The following GRID2 variants were observed in gnomAD, a reference collection of about 807,000 sequenced individuals.
The protein encoded by GRID2 is glutamate receptor ionotropic, delta-2.
In GRID2, 33 loss-of-function variants were observed where a neutral mutation model predicts 114.8. The observed-to-expected ratio is 0.29, with a 90% confidence interval of 0.22 to 0.38. GRID2 has a LOEUF of 0.38. Ranked by LOEUF, GRID2 falls within the 10% of genes least tolerant of loss-of-function variation. GRID2 has a pLI of 1.00. For missense variants in GRID2, 1,184 were observed against 1,257.7 expected (o/e 0.94, Z 0.89); for synonymous variants, 505 against 449.9 (o/e 1.12, Z -1.55).
At chr4:92,960,059 T>C (rs997335269) in intron 2 of GRID2, among the ~76,000 whole-genome samples, 2 of 152,062 alleles carry the variant, frequency 1.3e-5, no homozygotes, top group Non-Finnish European at 2.9e-5. Flanking sequence ...AATTTCTATC[T>C]ATTTTGAAAA....
chr4:93,333,644 G>A (rs1383225967), intron 8 of GRID2, among the ~76,000 whole-genome samples: 2 of 152,264 alleles, frequency 1.3e-5, no homozygotes, highest in African/African-American at 2.4e-5. Flanking sequence ...ATTTCCTCAT[G>A]TGTGGTTGTA....
chr4:92,521,278 A>C (rs1444132409), intron 1 of GRID2, among the ~76,000 whole-genome samples: 1 of 151,928 alleles, frequency 6.6e-6, no homozygotes, highest in East Asian at 1.9e-4. Flanking sequence ...CTTAGAAGTA[A>C]ATAATTCTTG....
chr4:93,316,321 AAAG>A lies in GRID2; in HGVS notation c.1245+77834_1245+77836del, dbSNP rs1273880480. Reference sequence around the variant, plus strand: ...GAAAGAAAGAAAGAAAGAAAGAAAGAAAGAAAGAAAGAAAGAAAGAAGGAAGGA... The same window carrying A: ...GAAAGAAAGAAAGAAAGAAAGAAAGAAAAGAAAGAAAGAAAGAAGGAAGGA... On this transcript the variant is annotated intron_variant, in intron 8 of 15. Transcript: ENST00000282020. 1.5e-3 allele frequency among the ~76,000 whole-genome samples: 77 copies of A among 51,010 alleles called. 1 individual carries two copies. The highest frequency in any genetic ancestry group is 6.7e-3 in the African/African-American group (74 of 11,102). 33.5% of individuals were successfully genotyped at this position (51,010 alleles called of 152,430 possible).
At chr4:93,270,599 G>C (rs1246709360) in intron 8 of GRID2, among the ~76,000 whole-genome samples, 1 of 151,846 alleles carries the variant, frequency 6.6e-6, no homozygotes, top group African/African-American at 2.4e-5. Context: ...AACATAATAT[G>C]TATTTTCTTC....
intron 1 of GRID2, among the ~76,000 whole-genome samples, chr4:92,555,158 T>C (rs1209443359): frequency 6.6e-6 from 1 of 151,566 alleles, no homozygotes; most frequent in Non-Finnish European, 1.5e-5. Context: ...AGTCGAGGAG[T>C]GTGAATATAT....
intron 1 of GRID2, among the ~76,000 whole-genome samples, chr4:92,434,004 A>G (rs1018894926): frequency 2.6e-5 from 4 of 152,230 alleles, no homozygotes; most frequent in African/African-American, 9.6e-5. Flanking sequence ...TTTAACTTTC[A>G]GTTTTCTATA....
chr4:93,177,846 T>A (rs1012868688), intron 4 of GRID2, among the ~76,000 whole-genome samples: 1 of 152,154 alleles, frequency 6.6e-6, no homozygotes, highest in African/African-American at 2.4e-5. Flanking sequence ...AAACATTTTA[T>A]AAGTACAGCT....
At chr4:93,330,878 A>C (rs1398924680) in intron 8 of GRID2, among the ~76,000 whole-genome samples, 1 of 152,072 alleles carries the variant, frequency 6.6e-6, no homozygotes, top group East Asian at 1.9e-4. Flanking sequence ...CAGACAAGGT[A>C]GTGATAGATT....
chr4:92,907,952 G>C (rs531925543), intron 2 of GRID2, among the ~76,000 whole-genome samples: 1 of 152,056 alleles, frequency 6.6e-6, no homozygotes, highest in Non-Finnish European at 1.5e-5. Flanking sequence ...GAATCCGGGA[G>C]GCAGAGGTTG....
At chr4:93,761,890 T>C (rs115509427) in intron 14 of GRID2, among the ~76,000 whole-genome samples, 2,510 of 152,314 alleles carry the variant, frequency 0.016, 31 homozygotes, top group Non-Finnish European at 0.027. Flanking sequence ...GTTGATAGAA[T>C]TGATTTTTAC....
At chr4:92,885,052 C>A in intron 2 of GRID2, 1 of 300,126 alleles carries the variant, frequency 3.3e-6, no homozygotes, top group Non-Finnish European at 6.6e-6. Context: ...TTCTTCTTTC[C>A]TCTTAAACAA....
At chr4:93,095,639 TA>T (rs1351620480) in intron 3 of GRID2, among the ~76,000 whole-genome samples, 1 of 151,894 alleles carries the variant, frequency 6.6e-6, no homozygotes, top group Non-Finnish European at 1.5e-5. Flanking sequence ...CTAATAGCAA[TA>T]AAAAATTAAA....
intron 1 of GRID2, among the ~76,000 whole-genome samples, chr4:92,589,084 C>T (rs1482070023): frequency 1.3e-5 from 2 of 152,062 alleles, no homozygotes; most frequent in African/African-American, 4.8e-5. Context: ...CTAGCCTAGG[C>T]GACAGAACAA....
chr4:93,591,703 G>C (rs1233229357), intron 13 of GRID2, among the ~76,000 whole-genome samples: 1 of 152,014 alleles, frequency 6.6e-6, no homozygotes, highest in African/African-American at 2.4e-5. Flanking sequence ...TTTTTGGTTG[G>C]TAAGGTATTG....
chr4:93,234,165 A>G (rs1746485760), intron 7 of GRID2, among the ~76,000 whole-genome samples: 1 of 152,088 alleles, frequency 6.6e-6, no homozygotes, highest in Non-Finnish European at 1.5e-5. Flanking sequence ...ACTTTTTGTC[A>G]TGGGGATTTA....
At chr4:93,351,845 A>G (rs1216652282) in intron 8 of GRID2, among the ~76,000 whole-genome samples, 2 of 152,048 alleles carry the variant, frequency 1.3e-5, no homozygotes, top group Admixed American at 1.3e-4. Context: ...TCAGAGAAAT[A>G]GATCTTAATC....
At chr4:92,570,745 C>G (rs373506220) in intron 1 of GRID2, among the ~76,000 whole-genome samples, 1 of 151,994 alleles carries the variant, frequency 6.6e-6, no homozygotes, top group Non-Finnish European at 1.5e-5. Context: ...ATTTGGTGCT[C>G]AGCTTGTCTG....
chr4:93,450,144 T>C (rs932969084), intron 10 of GRID2, among the ~76,000 whole-genome samples: 1 of 151,974 alleles, frequency 6.6e-6, no homozygotes, highest in African/African-American at 2.4e-5. Context: ...TTATTTAGAC[T>C]GTGTTCACAG....
chr4:93,528,227 A>T (rs1000503992), intron 13 of GRID2, among the ~76,000 whole-genome samples: 7 of 152,044 alleles, frequency 4.6e-5, no homozygotes. Context: ...CATTATCAAC[A>T]GACATGGGTT....
Sources: allele counts gnomAD v4.1 joint callset (sites outside exome capture counted in the v4.1 genomes callset), GRCh38; gene constraint gnomAD v4.1.1; transcripts MANE v1.5; gene names NCBI Gene and HGNC (gene_info 2026-07-23, HGNC 2026-07-21).